Variants in CHD1L observed in about 807,000 individuals in gnomAD.
CHD1L encodes chromodomain helicase DNA binding protein 1 like.
Under a neutral mutation model 115.9 loss-of-function variants are expected in CHD1L, and 118 were observed. The observed-to-expected ratio is 1.02, with a 90% confidence interval of 0.88 to 1.19. The LOEUF (loss-of-function observed/expected upper bound fraction) is 1.19, where lower values mean the gene tolerates loss of function less well. CHD1L is among the 50% of genes most tolerant of loss of function. CHD1L has a pLI of 0.00. For synonymous variants in CHD1L, 411 were observed against 387.1 expected (o/e 1.06, Z -0.72); for missense variants, 1,179 against 1,065.3 (o/e 1.11, Z -1.49).
chr1:147,264,151 C>T (rs1672994704), intron 6 of CHD1L, among the ~76,000 whole-genome samples: 1 of 152,186 alleles, frequency 6.6e-6, no homozygotes, highest in Non-Finnish European at 1.5e-5. Flanking sequence ...TCATGCAATA[C>T]TTCAGAGTTC....
the CHD1L span, among the ~76,000 whole-genome samples, chr1:147,196,400 C>T: frequency 2.6e-5 from 4 of 151,962 alleles, no homozygotes; most frequent in African/African-American, 9.7e-5. Flanking sequence ...ATTACTTCTA[C>T]ACAACCACAA....
Position 147,259,839 on chromosome 1 carries a change from T to G in CHD1L, c.497T>G (p.Phe166Cys), listed in dbSNP as rs781849750. The G allele has an allele frequency of 6.2e-7, 1 of 1,610,896 alleles. No individual in the cohort carries two copies. The highest frequency in any genetic ancestry group is 1.1e-5 in the South Asian group (1 of 90,456). ...CLKDASFLKS[F>C]PWSVLVVDEA... ...AAAGCTTGGGTTTTCTCTCACAGAT[T>G]CCCTTGGAGTGTTCTTGTTGTGGAT... Residue 166 changes from phenylalanine to cysteine, a missense_variant and splice_region_variant, in exon 6 of 23, where the codon TTC becomes TGC. By Grantham distance (205) the Phe-to-Cys change is radical. Coordinates refer to ENST00000369258, the MANE Select transcript of CHD1L (RefSeq NM_004284.6).
chr1:147,234,705 T>G, the CHD1L span, among the ~76,000 whole-genome samples: 1 of 152,344 alleles, frequency 6.6e-6, no homozygotes, highest in African/African-American at 2.4e-5. Flanking sequence ...TTGAAATGAC[T>G]TCATAAACGT....
chr1:147,251,567 T>C (rs886908057), intron 1 of CHD1L, among the ~76,000 whole-genome samples: 79 of 152,256 alleles, frequency 5.2e-4, no homozygotes, highest in African/African-American at 1.9e-3. Context: ...CTCGCTCTGT[T>C]GCCAAGGCTG....
At chr1:147,236,605 C>T in the CHD1L span, among the ~76,000 whole-genome samples, 1 of 152,092 alleles carries the variant, frequency 6.6e-6, no homozygotes, top group Non-Finnish European at 1.5e-5. Context: ...TAGCTCCTCT[C>T]TGCAGTTGGT....
chr1:147,223,389 G>A, the CHD1L span, among the ~76,000 whole-genome samples: 61,871 of 152,084 alleles, frequency 0.41, 13,212 homozygotes, highest in East Asian at 0.69. Flanking sequence ...ATTGTATTTC[G>A]GTTCAACTAA....
the CHD1L span, chr1:147,186,820 TGA>T: frequency 5.1e-5 from 78 of 1,520,612 alleles, no homozygotes; most frequent in Non-Finnish European, 6.7e-5. Flanking sequence ...AATATGAAAC[TGA>T]GAGTCAATCT....
At chr1:147,203,646 A>T in the CHD1L span, 1 of 1,349,952 alleles carries the variant, frequency 7.4e-7, no homozygotes, top group South Asian at 1.2e-5. Flanking sequence ...AGTCCAGGAC[A>T]TGTCTCTCCA....
intron 5 of CHD1L, chr1:147,259,431 G>A (rs1188498973): frequency 6.5e-6 from 1 of 153,684 alleles, no homozygotes; most frequent in African/African-American, 2.4e-5. Context: ...CCTTCACCAA[G>A]TCACCTAACC....
At chr1:147,202,069 C>T in the CHD1L span, among the ~76,000 whole-genome samples, 2 of 152,182 alleles carry the variant, frequency 1.3e-5, no homozygotes, top group South Asian at 4.1e-4. Flanking sequence ...GGAATTGAGG[C>T]CTAGAAAAGT....
chr1:147,291,467 T>C lies in CHD1L; in HGVS notation c.2321-15T>C, dbSNP rs1685500680. On this transcript the variant is annotated splice_polypyrimidine_tract_variant and intron_variant, in intron 19 of 22. Coordinates refer to ENST00000369258, the MANE Select transcript of CHD1L (RefSeq NM_004284.6). The stretch of plus-strand genomic sequence containing the variant: ...CTTGGTGTTCTTTATGTTGCTCCTT[T>C]CTGTTTTACCTCAGACCTGAGTTTG... The C allele has an allele frequency of 1.2e-6, 2 of 1,609,004 alleles. No homozygotes were observed. Among genetic ancestry groups the C allele is most frequent in the Non-Finnish European group, 8.5e-7 (1 of 1,175,364 alleles).
rs782646191 is a variant in CHD1L at position 147,242,737 on chromosome 1, C to G, written c.34C>G (p.Gln12Glu). Residue 12 changes from glutamine to glutamate, a missense_variant, in exon 1 of 23, where the codon CAA (glutamine) becomes GAA (glutamate). Physicochemically the swap from Gln to Glu is conservative, Grantham distance 29. Coordinates refer to ENST00000369258, the MANE Select transcript of CHD1L (RefSeq NM_004284.6). Reference sequence around the variant, plus strand: ...CGCGGGCGCTACTAGCCGCGGGGGCCAAGCCCCTGGCTTCTTACTGCGGCT... The same window carrying G: ...CGCGGGCGCTACTAGCCGCGGGGGCGAAGCCCCTGGCTTCTTACTGCGGCT... The part of the protein sequence containing the change: ...ERAGATSRGG[Q>E]APGFLLRLHT... 7.9e-7 allele frequency: 1 copy of G among 1,260,922 alleles called. No homozygotes were observed. Among genetic ancestry groups the G allele is most frequent in the African/African-American group, 1.5e-5 (1 of 65,342 alleles). The allele number at this position is 1,260,922 out of a possible 1,614,324, so 78.1% of individuals were successfully genotyped here. A position where few individuals can be genotyped will look rare whatever the true frequency, so the allele number is the denominator to read the frequency against.
rs587660320 is a variant in CHD1L at position 147,256,514 on chromosome 1, T to C, written c.463-17T>C. The C allele has an allele frequency of 1.2e-6, 2 of 1,611,914 alleles. No homozygotes were observed. Among genetic ancestry groups the C allele is most frequent in the East Asian group, 4.5e-5 (2 of 44,862 alleles). ...TATCAATGCCAGCCTTTATAACGTG[T>C]CTTCCTAATTTTTCAGATTTGCTTG... is the stretch of plus-strand genomic sequence containing the variant. On this transcript the variant is annotated splice_polypyrimidine_tract_variant and intron_variant, in intron 4 of 22. Coordinates refer to ENST00000369258, the MANE Select transcript of CHD1L (RefSeq NM_004284.6).
chr1:147,201,633 T>G, the CHD1L span: 1 of 668,964 alleles, frequency 1.5e-6, no homozygotes, highest in African/African-American at 1.8e-5. Flanking sequence ...TGCATGAAGT[T>G]TGGAAAAGGT....
At chr1:147,288,328 A>AAAAAAAAG (rs1684114545) in intron 19 of CHD1L, among the ~76,000 whole-genome samples, 727 of 2,702 alleles carry the variant, frequency 0.27, 28 homozygotes, top group Middle Eastern at 0.5. Context: ...GTTTCAATAA[A>AAAAAAAAG]AAAAAAAAAA....
the CHD1L span, among the ~76,000 whole-genome samples, chr1:147,194,750 G>T: frequency 0.37 from 55,823 of 150,424 alleles, 10,832 homozygotes; most frequent in African/African-American, 0.5. Flanking sequence ...AGTATTTTAT[G>T]TCTCCTTCAC....
At chr1:147,236,861 C>T in the CHD1L span, among the ~76,000 whole-genome samples, 12 of 152,354 alleles carry the variant, frequency 7.9e-5, no homozygotes, top group African/African-American at 2.6e-4. Context: ...AACACAAGTT[C>T]TCACTCTGGT....
intron 4 of CHD1L, 131 bp from the exon 5 acceptor site, chr1:147,256,400 C>T (rs1324791233): frequency 1.2e-6 from 1 of 805,094 alleles, no homozygotes; most frequent in Non-Finnish European, 2.0e-6. Context: ...ATTCTCAGAA[C>T]TTTTTTTTAC....
chr1:147,216,786 C>T, the CHD1L span, among the ~76,000 whole-genome samples: 4 of 152,178 alleles, frequency 2.6e-5, no homozygotes, highest in Admixed American at 1.3e-4. Context: ...GACTCTCAGG[C>T]CCCACCTCAG....
Sources: gnomAD v4.1 joint callset for allele counts (sites outside exome capture counted in the v4.1 genomes callset) on GRCh38, gnomAD v4.1.1 for gene constraint, MANE v1.5 for transcripts, NCBI Gene and HGNC (gene_info 2026-07-23, HGNC 2026-07-21) for gene names.